The following IFIH1 variants were observed in gnomAD, a reference collection of about 807,000 sequenced individuals.
IFIH1 encodes the protein interferon-induced helicase C domain-containing protein 1.
In IFIH1, 125 loss-of-function variants were observed where a neutral mutation model predicts 107.4. The observed-to-expected ratio is 1.16, with a 90% CI of 1.01 to 1.35. IFIH1 has a LOEUF of 1.35. Among genes scored for constraint, IFIH1 ranks in the 40% most tolerant of loss-of-function variants. The probability of loss-of-function intolerance (pLI) is 0.00; values close to 1 mark genes in which losing one functional copy is unlikely to be tolerated. For synonymous variants in IFIH1, 458 were observed against 413.2 expected (o/e 1.11, Z -1.31); for missense variants, 1,333 against 1,213.7 (o/e 1.10, Z -1.46).
rs780505325 is a variant in IFIH1, at chr2:162,276,775, G to T, written c.2216C>A (p.Thr739Asn). ...QSAYALSQWITENEKFAEVGV... is the reference protein window; with the variant it reads ...QSAYALSQWINENEKFAEVGV... ...TACTTCAGCAAATTTTTCATTTTCAGTAATCCACTGGGAAAGCGCATATGC... is the reference window on the plus strand; with the variant it reads ...TACTTCAGCAAATTTTTCATTTTCATTAATCCACTGGGAAAGCGCATATGC... Residue 739 changes from threonine to asparagine, a missense_variant, in exon 11 of 16, where the codon ACT becomes AAT. Thr to Asn is a moderately conservative substitution (Grantham distance 65). Transcript: ENST00000649979. 3 of 1,613,938 alleles carry T rather than the reference G, an allele frequency of 1.9e-6. No individual in the cohort carries two copies. The highest frequency in any genetic ancestry group is 2.2e-5 in the South Asian group (2 of 91,090).
Position 162,277,590 on chromosome 2 carries a change from A to T in IFIH1, c.1869T>A (p.Tyr623Ter). ...CATTATAGAAAGTTTCAAGATGAGT[A>T]TACGCATCTATCATTCGAATTGTGT... Reference protein sequence around the residue: ...INDTIRMIDAYTHLETFYNEE... With the variant: ...INDTIRMIDA Residue 623 changes from tyrosine (Y) to a stop codon, truncating the protein, a stop_gained, in exon 10 of 16, where the codon TAT (tyrosine) becomes TAA (stop). Transcript: ENST00000649979. LOFTEE classifies it high-confidence loss of function. 6.2e-7 allele frequency: 1 copy of T among 1,612,930 alleles called. No individual in the cohort carries two copies.
rs897914642 is a variant in IFIH1 at position 162,275,003 on chromosome 2, A to G, written c.2305-1059T>C. Among the ~76,000 whole-genome samples the G allele has an allele frequency of 4.6e-5, 7 of 152,260 alleles. No homozygotes were observed. In the Middle Eastern group the frequency reaches 0.01, roughly 222 times the overall value. ...GAAAATTTCTCCCTCCGGCCCTCACATCTCCCGATAAAAACTTACATGTTC... is the reference window on the plus strand; with the variant it reads ...GAAAATTTCTCCCTCCGGCCCTCACGTCTCCCGATAAAAACTTACATGTTC... On this transcript the variant is annotated intron_variant, in intron 11 of 15. Transcript: ENST00000649979.
At chr2:162,299,734 AGT>A (rs977868761) in intron 3 of IFIH1, among the ~76,000 whole-genome samples, 1 of 152,024 alleles carries the variant, frequency 6.6e-6, no homozygotes, top group African/African-American at 2.4e-5. Flanking sequence ...TACTTTTAAA[AGT>A]GTGTGTGTGT....
At chr2:162,269,578 C>A (rs1158819862) in intron 13 of IFIH1, among the ~76,000 whole-genome samples, 1 of 152,108 alleles carries the variant, frequency 6.6e-6, no homozygotes, top group Non-Finnish European at 1.5e-5. Flanking sequence ...GTGTTTATAC[C>A]AACACAACTT....
chr2:162,290,686 C>G (rs73012951), intron 4 of IFIH1, among the ~76,000 whole-genome samples: 154 of 152,034 alleles, frequency 1.0e-3, no homozygotes, highest in African/African-American at 3.5e-3. Flanking sequence ...AGACAGATAG[C>G]TCAATAATCT....
chr2:162,276,591 C>T (rs772810037), intron 11 of IFIH1, 96 bp downstream of exon 11: 121 of 1,340,446 alleles, frequency 9.0e-5, no homozygotes, highest in Non-Finnish European at 1.1e-4. Context: ...AGTGACAGAG[C>T]GAGGCCTCGT....
In IFIH1 at chr2:162,277,585, T is replaced by A. The variant is rs1682720062; in HGVS notation, c.1874A>T (p.His625Leu). The change falls in exon 10 of 16, where the codon CAT (histidine) becomes CTT (leucine). Residue 625 changes from histidine (H) to leucine (L), a missense_variant. His to Leu is a moderately conservative substitution (Grantham distance 99, BLOSUM62 -3). Transcript: ENST00000649979. Reference sequence around the variant, plus strand: ...CTCTTCATTATAGAAAGTTTCAAGATGAGTATACGCATCTATCATTCGAAT... The same window carrying A: ...CTCTTCATTATAGAAAGTTTCAAGAAGAGTATACGCATCTATCATTCGAAT... ...DTIRMIDAYT[H>L]LETFYNEEKD... 9 of 1,612,678 alleles carry A rather than the reference T, an allele frequency of 5.6e-6. 1 individual carries two copies. The highest frequency in any genetic ancestry group is 7.6e-6 in the Non-Finnish European group (9 of 1,178,834).
At chr2:162,314,416 T>TTTCTTTTCTTTTCTTTC (rs71009355) in intron 1 of IFIH1, among the ~76,000 whole-genome samples, 6 of 51,444 alleles carry the variant, frequency 1.2e-4, no homozygotes, top group Non-Finnish European at 2.1e-4. Context: ...TCTTTCTTTC[T>TTTCTTTTCTTTTCTTTC]TTTCTTTCTT....
At chr2:162,296,976 A>C (rs1295658922) in intron 3 of IFIH1, among the ~76,000 whole-genome samples, 5 of 152,134 alleles carry the variant, frequency 3.3e-5, no homozygotes, top group Non-Finnish European at 2.9e-5. Context: ...ACATAAAAAT[A>C]ATTTTGTTTC....
rs2105203215 is a variant in IFIH1, at chr2:162,282,487, T to C, written c.1185A>G (p.Gln395=). The C allele has an allele frequency of 1.2e-6, 2 of 1,610,846 alleles. No individual in the cohort carries two copies. The highest frequency in any genetic ancestry group is 2.2e-5 in the South Asian group (2 of 90,994). ...CAACTTCTGGAAATGATATTTTCAG[T>C]TGGGTATCACCACTTAATCCAATAA... ...YRVIGLSGDT[Q]LKISFPEVVK... The change falls in exon 6 of 16, where the codon CAA becomes CAG. Residue 395 remains glutamine, a synonymous_variant. Coordinates refer to ENST00000649979, the MANE Select transcript of IFIH1 (RefSeq NM_022168.4).
intron 11 of IFIH1, among the ~76,000 whole-genome samples, chr2:162,275,407 C>A (rs570641044): frequency 6.6e-6 from 1 of 152,146 alleles, no homozygotes; most frequent in Non-Finnish European, 1.5e-5. Flanking sequence ...GGCTGTGAGA[C>A]TGAACTTGAG....
chr2:162,313,215 A>G (rs1353069164), intron 1 of IFIH1, among the ~76,000 whole-genome samples: 1 of 152,174 alleles, frequency 6.6e-6, no homozygotes, highest in Non-Finnish European at 1.5e-5. Context: ...GCAATTATAT[A>G]ATTTTAAAAA....
At chr2:162,298,342 G>C (rs531179028) in intron 3 of IFIH1, among the ~76,000 whole-genome samples, 1 of 152,252 alleles carries the variant, frequency 6.6e-6, no homozygotes, top group South Asian at 2.1e-4. Context: ...TTCCCGAAAA[G>C]TGGTTTTGCA....
chr2:162,281,447 T>C lies in IFIH1; in HGVS notation c.1405A>G (p.Asn469Asp), dbSNP rs1253953605. ...GGTTTGTTTTCTTTCTTGAGTCTAT[T>C]GTTTTTCAACTTCTGCATCAAATAA... ...RHYLMQKLKNNRLKKENKPVI... is the reference protein window; with the variant it reads ...RHYLMQKLKNDRLKKENKPVI... The change falls in exon 7 of 16, where the codon AAT becomes GAT. Residue 469 changes from asparagine (N) to aspartate (D), a missense_variant. Coordinates refer to ENST00000649979, the MANE Select transcript of IFIH1 (RefSeq NM_022168.4). 7 of 1,612,560 alleles carry C rather than the reference T, an allele frequency of 4.3e-6. No homozygotes were observed. The highest frequency in any genetic ancestry group is 3.3e-5 in the Admixed American group (2 of 59,802).
At chr2:162,297,442 G>A (rs1304378536) in intron 3 of IFIH1, among the ~76,000 whole-genome samples, 2 of 152,062 alleles carry the variant, frequency 1.3e-5, no homozygotes, top group Non-Finnish European at 2.9e-5. Flanking sequence ...CAGATCGAAC[G>A]TAGCCACGAC....
chr2:162,279,121 C>T (rs1223443063), intron 8 of IFIH1, among the ~76,000 whole-genome samples: 1 of 151,830 alleles, frequency 6.6e-6, no homozygotes, highest in African/African-American at 2.4e-5. Context: ...TGAGTAGAAA[C>T]ATGCATTTAA....
chr2:162,289,877 G>A (rs1036421269), intron 4 of IFIH1, among the ~76,000 whole-genome samples: 2 of 151,818 alleles, frequency 1.3e-5, no homozygotes, highest in African/African-American at 4.8e-5. Context: ...TTCCATGCTT[G>A]TTTTGAACTC....
At chr2:162,317,422 A>G (rs1166970294) in intron 1 of IFIH1, among the ~76,000 whole-genome samples, 1 of 152,160 alleles carries the variant, frequency 6.6e-6, no homozygotes, top group African/African-American at 2.4e-5. Flanking sequence ...ATCACAAGCT[A>G]AATTCTTAGC....
In IFIH1 at chr2:162,272,381, C is replaced by A; in HGVS notation, c.2461G>T (p.Gly821Cys). 6.2e-7 allele frequency: 1 copy of A among 1,611,772 alleles called. No individual in the cohort carries two copies. The highest frequency in any genetic ancestry group is 8.5e-7 in the Non-Finnish European group (1 of 1,178,988). Residue 821 changes from glycine to cysteine, a missense_variant, in exon 13 of 16, where the codon GGT becomes TGT. Coordinates refer to ENST00000649979, the MANE Select transcript of IFIH1 (RefSeq NM_022168.4). ...TNEIAMVQAR[G>C]RARADESTYV... is the part of the protein sequence containing the mutation. ...GTGCTCTCATCAGCTCTGGCTCGAC[C>A]ACGGGCCTGAAAACACAAATAAATC...
Sources: allele counts gnomAD v4.1 joint callset (sites outside exome capture counted in the v4.1 genomes callset), GRCh38; gene constraint gnomAD v4.1.1; transcripts MANE v1.5; gene names NCBI Gene and HGNC (gene_info 2026-07-23, HGNC 2026-07-21).